Variants in PCM1 observed in about 807,000 individuals in gnomAD.
PCM1 encodes pericentriolar material 1 protein.
In PCM1, 157 loss-of-function variants were observed where a neutral mutation model predicts 241.9. The observed-to-expected ratio is 0.65, with a 90% CI of 0.57 to 0.74. The LOEUF (loss-of-function observed/expected upper bound fraction) is 0.74, where lower values mean the gene tolerates loss of function less well. Among genes scored for constraint, PCM1 ranks in the 30% least tolerant of loss-of-function variants. The pLI is 0.00. For synonymous variants in PCM1, 1,085 were observed against 784.9 expected (o/e 1.38, Z -6.39); for missense variants, 3,478 against 2,360.1 (o/e 1.47, Z -9.81).
At chr8:17,943,094 G>A (rs1338378276) in intron 6 of PCM1, among the ~76,000 whole-genome samples, 1 of 151,672 alleles carries the variant, frequency 6.6e-6, no homozygotes, top group Non-Finnish European at 1.5e-5. Flanking sequence ...TTGAGTATAG[G>A]TAAGACTAAT....
Position 17,987,069 on chromosome 8 carries a change from A to G in PCM1, c.4410+982A>G, listed in dbSNP as rs573315791. 1.6e-4 allele frequency among the ~76,000 whole-genome samples: 24 copies of G among 151,938 alleles called. No individual in the cohort carries two copies. The East Asian group carries it at 4.6e-3, about 29-fold the overall frequency. On this transcript the variant is annotated intron_variant, in intron 26 of 38. Coordinates refer to ENST00000325083, the MANE Select transcript of PCM1 (RefSeq NM_006197.4). ...CCCCAGCTCATCTTTTCTGTTTAAA[A>G]TGTTTTCCCACTGGACTCTGACTCC...
Position 17,972,428 on chromosome 8 carries a change from T to G in PCM1, c.3684T>G (p.Phe1228Leu). ...EVEKPFIKTG[F>L]SVSVEKSTSS... ...AGAAACCATTTATCAAGACTGGATT[T>G]TCAGTGTCTGTAGAAAAATCTACAA... is the stretch of plus-strand genomic sequence containing the variant. Residue 1228 changes from phenylalanine to leucine, a missense_variant, in exon 23 of 39, where the codon TTT becomes TTG. By Grantham distance (22) the Phe-to-Leu change is conservative. Coordinates refer to ENST00000325083, the MANE Select transcript of PCM1 (RefSeq NM_006197.4). The G allele has an allele frequency of 2.5e-6, 4 of 1,612,674 alleles. No individual in the cohort carries two copies. The highest frequency in any genetic ancestry group is 2.5e-6 in the Non-Finnish European group (3 of 1,179,144).
At chr8:17,988,586 A>G (rs939591423) in intron 26 of PCM1, among the ~76,000 whole-genome samples, 6 of 151,924 alleles carry the variant, frequency 3.9e-5, no homozygotes, top group Admixed American at 2.6e-4. Flanking sequence ...TTTTCAAAAG[A>G]TACTGTTATG....
At chr8:17,946,295 T>C (rs573850241) in intron 6 of PCM1, among the ~76,000 whole-genome samples, 1 of 152,292 alleles carries the variant, frequency 6.6e-6, no homozygotes, top group South Asian at 2.1e-4. Flanking sequence ...AAAATAATGA[T>C]GCCTTTGATG....
chr8:17,988,871 A>G (rs569292849), intron 26 of PCM1, among the ~76,000 whole-genome samples: 2 of 152,126 alleles, frequency 1.3e-5, no homozygotes, highest in East Asian at 1.9e-4. Context: ...AGAATGTAAA[A>G]TTGCACAACC....
chr8:18,025,285 A>C lies in PCM1; in HGVS notation c.5842-76A>C. 3.7e-6 allele frequency: 3 copies of C among 806,948 alleles called. No homozygotes were observed. In the South Asian group the frequency reaches 4.7e-5, roughly 13 times the overall value. 50.0% of individuals were successfully genotyped at this position (806,948 alleles called of 1,614,324 possible). A position where few individuals can be genotyped will look rare whatever the true frequency, so the allele number is the denominator to read the frequency against. On this transcript the variant is annotated intron_variant, in intron 36 of 38. Transcript: ENST00000325083. ...CGAAATGTGATAGAATTACTGAGAA[A>C]ATAATTCACTATTTCTTTACATGGA...
At chr8:17,965,771 C>A (rs886142090) in intron 18 of PCM1, among the ~76,000 whole-genome samples, 1 of 152,190 alleles carries the variant, frequency 6.6e-6, no homozygotes, top group Non-Finnish European at 1.5e-5. Flanking sequence ...TATATGGACA[C>A]TGCTGTGTAA....
chr8:17,980,806 T>G, intron 24 of PCM1, 51 bp downstream of exon 24: 1 of 1,402,570 alleles, frequency 7.1e-7, no homozygotes, highest in Non-Finnish European at 9.8e-7. Flanking sequence ...CAGCTTAGAT[T>G]TGAAAAGCTA....
intron 13 of PCM1, among the ~76,000 whole-genome samples, 196 bp downstream of exon 13, chr8:17,957,971 G>C (rs1309562674): frequency 6.6e-6 from 1 of 152,198 alleles, no homozygotes; most frequent in Non-Finnish European, 1.5e-5. Flanking sequence ...GAGTTGGTTA[G>C]ATAGTTGCGG....
At chr8:18,009,401 T>A (rs912151081) in intron 30 of PCM1, 146 bp from the exon 31 acceptor site, 2 of 608,716 alleles carry the variant, frequency 3.3e-6, no homozygotes, top group African/African-American at 3.7e-5. Flanking sequence ...CTTAGTAATA[T>A]AGCAGTATTC....
intron 36 of PCM1, among the ~76,000 whole-genome samples, chr8:18,018,437 C>A (rs551536816): frequency 1.1e-4 from 17 of 152,266 alleles, no homozygotes; most frequent in Admixed American, 5.2e-4. Flanking sequence ...GCCCTCATGC[C>A]CCCTAGGGTC....
At chr8:17,923,879 CGTT>C (rs1318321867) in intron 1 of PCM1, among the ~76,000 whole-genome samples, 2 of 152,080 alleles carry the variant, frequency 1.3e-5, no homozygotes, top group African/African-American at 4.8e-5. Context: ...CTGGGGGAAA[CGTT>C]GTTTGGTTTA....
chr8:17,974,802 C>T (rs2078102235), intron 23 of PCM1, among the ~76,000 whole-genome samples: 1 of 151,918 alleles, frequency 6.6e-6, no homozygotes, highest in Non-Finnish European at 1.5e-5. Flanking sequence ...AATGTACAGT[C>T]ACATTTGCTC....
At chr8:17,955,675 T>C (rs1296568120) in intron 10 of PCM1, 22 bp downstream of exon 10, 7 of 1,579,294 alleles carry the variant, frequency 4.4e-6, no homozygotes, top group Non-Finnish European at 5.2e-6. Context: ...ATAATCATTG[T>C]TTACATGAAG....
Position 17,993,575 on chromosome 8 carries a change from C to CGGCAAATTAAAGCAATTATGAAAG in PCM1, c.4784_4807dup (p.Lys1602_Glu1603insGlyGlnIleLysAlaIleMetLys), listed in dbSNP as rs753220254. The CGGCAAATTAAAGCAATTATGAAAG allele has an allele frequency of 6.3e-7, 1 of 1,595,410 alleles. No individual in the cohort carries two copies. The highest frequency in any genetic ancestry group is 8.5e-7 in the Non-Finnish European group (1 of 1,169,770). ...TAGAATTGATACTCAGCAGCTGGAC[C>CGGCAAATTAAAGCAATTATGAAAG]GGCAAATTAAAGCAATTATGAAAGA... On this transcript the variant is annotated inframe_insertion, in exon 29 of 39. Coordinates refer to ENST00000325083, the MANE Select transcript of PCM1 (RefSeq NM_006197.4).
intron 30 of PCM1, among the ~76,000 whole-genome samples, chr8:18,006,650 T>G (rs2091409451): frequency 6.6e-6 from 1 of 152,174 alleles, no homozygotes; most frequent in African/African-American, 2.4e-5. Flanking sequence ...CTTTTACTGG[T>G]TTGGTTTATC....
chr8:17,955,302 T>C (rs1450084630), intron 9 of PCM1, among the ~76,000 whole-genome samples, 168 bp from the exon 10 acceptor site: 2 of 152,218 alleles, frequency 1.3e-5, no homozygotes, highest in Non-Finnish European at 2.9e-5. Context: ...TACATTTTGA[T>C]GTGTTTAATT....
chr8:17,962,362 A>G (rs2072727779), intron 16 of PCM1, 188 bp downstream of exon 16: 1 of 312,216 alleles, frequency 3.2e-6, no homozygotes, highest in Non-Finnish European at 5.7e-6. Context: ...GAAAGATAAA[A>G]CATTTTAATT....
chr8:17,968,209 T>G (rs1305711004), intron 21 of PCM1, among the ~76,000 whole-genome samples: 4 of 152,162 alleles, frequency 2.6e-5, no homozygotes, highest in African/African-American at 9.7e-5. Flanking sequence ...TATTTAAGTG[T>G]GGCTAGTATT....
Sources: gnomAD v4.1 joint callset for allele counts (sites outside exome capture counted in the v4.1 genomes callset) on GRCh38, gnomAD v4.1.1 for gene constraint, MANE v1.5 for transcripts, NCBI Gene and HGNC (gene_info 2026-07-23, HGNC 2026-07-21) for gene names.